Variants in LAMA4 observed in about 807,000 individuals in gnomAD.
The protein encoded by LAMA4 is laminin subunit alpha-4.
In LAMA4, 127 loss-of-function variants were observed where a neutral mutation model predicts 207.1. The observed-to-expected ratio is 0.61, with a 90% CI of 0.53 to 0.71. LAMA4 has a LOEUF of 0.71. LAMA4 is among the 30% of genes least tolerant of loss of function. LAMA4 has a pLI of 0.00. For missense variants in LAMA4, 2,093 were observed against 2,246.5 expected (o/e 0.93, Z 1.38); for synonymous variants, 761 against 816.0 (o/e 0.93, Z 1.15).
chr6:112,124,750 T>A (rs1229125511), intron 31 of LAMA4, among the ~76,000 whole-genome samples: 1 of 148,442 alleles, frequency 6.7e-6, no homozygotes, highest in East Asian at 2.0e-4. Flanking sequence ...TATAAGGATA[T>A]AGGGGTATCT....
chr6:112,196,011 G>A (rs1783398220), intron 5 of LAMA4, among the ~76,000 whole-genome samples: 1 of 151,886 alleles, frequency 6.6e-6, no homozygotes, highest in South Asian at 2.1e-4. Flanking sequence ...AAGCTGGTGA[G>A]TCTTGGGCAA....
intron 5 of LAMA4, among the ~76,000 whole-genome samples, chr6:112,195,938 TACACACACACACACAC>T (rs149514155): frequency 1.4e-5 from 2 of 147,342 alleles, no homozygotes; most frequent in Non-Finnish European, 3.0e-5. Flanking sequence ...ATGAACTAAG[TACACACACACACACAC>T]ACACACACAC....
At position 112,253,944 on chromosome 6, in the gene LAMA4, G is replaced by A; in HGVS notation, c.195+12C>T. 6.2e-7 allele frequency: 1 copy of A among 1,605,058 alleles called. No individual in the cohort carries two copies. The highest frequency in any genetic ancestry group is 8.5e-7 in the Non-Finnish European group (1 of 1,175,330). ...GTGCCCCAGCAGGGTGGCAATGGCA[G>A]GGACACTGTACCTCGGCCGCAGGCG... On this transcript the variant is annotated intron_variant, in intron 2 of 38. Transcript: ENST00000230538.
intron 3 of LAMA4, chr6:112,214,126 A>ATATTT: frequency 1.6e-6 from 1 of 641,598 alleles, no homozygotes; most frequent in Non-Finnish European, 2.9e-6. Context: ...CCAGTGTGAC[A>ATATTT]CCACAGACTT....
chr6:112,129,318 T>C lies in LAMA4; in HGVS notation c.4134-243A>G, dbSNP rs9387059. Among the ~76,000 whole-genome samples, 69,819 of 151,796 alleles carry C rather than the reference T, an allele frequency of 0.46. 16,571 individuals are homozygous for C. The highest frequency in any genetic ancestry group is 0.68 in the South Asian group (3,287 of 4,814). On this transcript the variant is annotated intron_variant, in intron 30 of 38. Coordinates refer to ENST00000230538, the MANE Select transcript of LAMA4 (RefSeq NM_001105206.3). ...ACATATTTATAATAATGAATATCTT[T>C]TCCCTCAACACACTCTGGATGATTG...
intron 5 of LAMA4, among the ~76,000 whole-genome samples, 164 bp downstream of exon 5, chr6:112,201,444 G>T (rs1554352371): frequency 6.6e-6 from 1 of 152,196 alleles, no homozygotes; most frequent in Non-Finnish European, 1.5e-5. Flanking sequence ...TGGGGGATGG[G>T]ATTTAGGAAA....
intron 2 of LAMA4, chr6:112,219,683 T>A (rs1784818563): frequency 6.6e-6 from 1 of 152,210 alleles, no homozygotes; most frequent in South Asian, 2.1e-4. Context: ...CTGCCCCTCA[T>A]AAATAAATAC....
At chr6:112,125,065 A>G (rs926504044) in intron 31 of LAMA4, among the ~76,000 whole-genome samples, 2 of 152,148 alleles carry the variant, frequency 1.3e-5, no homozygotes, top group Admixed American at 6.5e-5. Flanking sequence ...ATCTTAAACA[A>G]TCTAAGATAG....
chr6:112,254,541 GGACTGC>G lies in LAMA4; in HGVS notation c.-230_-225del. 6.0e-6 allele frequency: 2 copies of G among 335,072 alleles called. No individual in the cohort carries two copies. The highest frequency in any genetic ancestry group is 8.0e-5 in the East Asian group (1 of 12,486). 20.8% of individuals were successfully genotyped at this position (335,072 alleles called of 1,614,324 possible). On this transcript the variant is annotated 5_prime_UTR_variant, in exon 1 of 39. Transcript: ENST00000230538. ...CCTCTCCCTGGCCGTTCGGGACTGG[GGACTGC>G]GCTGTCCTGGCTTCCTTCTCACATT...
chr6:112,150,319 A>G lies in LAMA4; in HGVS notation c.2173+192T>C, dbSNP rs1239211232. On this transcript the variant is annotated intron_variant, in intron 17 of 38. Transcript: ENST00000230538. ...AAGGTCACCTCTACGTGGTGTGATT[A>G]CAGCATTTATATTTAGTTTCTTCTT... The G allele has an allele frequency of 1.1e-5, 7 of 633,476 alleles. No homozygotes were observed. In the African/African-American group the frequency reaches 1.3e-4, roughly 12 times the overall value. The allele number at this position is 633,476 out of a possible 1,614,324, so 39.2% of individuals were successfully genotyped here.
intron 2 of LAMA4, 33 bp from the exon 3 acceptor site, chr6:112,216,502 T>C (rs1554358791): frequency 7.1e-7 from 1 of 1,405,834 alleles, no homozygotes; most frequent in East Asian, 2.3e-5. Context: ...TTTTGATTAT[T>C]GAAAAGATTG....
intron 6 of LAMA4, among the ~76,000 whole-genome samples, chr6:112,189,481 T>A (rs1782888071): frequency 6.6e-6 from 1 of 152,188 alleles, no homozygotes; most frequent in Admixed American, 6.5e-5. Flanking sequence ...GATTCTGACA[T>A]GACAGTGCAA....
rs73766936 is a variant in LAMA4, at chr6:112,127,053, A to G, written c.4287+1869T>C. 9.2e-3 allele frequency among the ~76,000 whole-genome samples: 1,396 copies of G among 152,298 alleles called. 22 individuals carry two copies. Among genetic ancestry groups the G allele is most frequent in the African/African-American group, 0.032 (1,335 of 41,564 alleles). On this transcript the variant is annotated intron_variant, in intron 31 of 38. Coordinates refer to ENST00000230538, the MANE Select transcript of LAMA4 (RefSeq NM_001105206.3). Reference sequence around the variant, plus strand: ...GCCTTGTGCTATGCTAAGTGCATATAATTTCATGCATTAACTCATTTAGTT... The same window carrying G: ...GCCTTGTGCTATGCTAAGTGCATATGATTTCATGCATTAACTCATTTAGTT...
In LAMA4 at chr6:112,168,334, C is replaced by T. The variant is rs1197616228; in HGVS notation, c.1552-3058G>A. 2.0e-5 allele frequency among the ~76,000 whole-genome samples: 3 copies of T among 149,082 alleles called. No individual in the cohort carries two copies. The Admixed American group carries it at 2.0e-4, about 10-fold the overall frequency. On this transcript the variant is annotated intron_variant, in intron 12 of 38. Transcript: ENST00000230538. Reference sequence around the variant, plus strand: ...GAGAGGAAGGAAGGACTCCTTCTGGCAGCTAGTGTTCTTTTTTTTTTTTTT... The same window carrying T: ...GAGAGGAAGGAAGGACTCCTTCTGGTAGCTAGTGTTCTTTTTTTTTTTTTT...
intron 6 of LAMA4, among the ~76,000 whole-genome samples, chr6:112,189,719 AAGAC>A (rs1239743893): frequency 1.3e-5 from 2 of 152,224 alleles, no homozygotes; most frequent in Non-Finnish European, 2.9e-5. Context: ...GACCCTTGGC[AAGAC>A]AGACTCCAAA....
intron 35 of LAMA4, among the ~76,000 whole-genome samples, 195 bp from the exon 36 acceptor site, chr6:112,116,188 C>T (rs1052154498): frequency 1.5e-4 from 23 of 152,296 alleles, no homozygotes; most frequent in African/African-American, 5.1e-4. Context: ...ACTAATGCAT[C>T]AATCCTGTTG....
At chr6:112,185,074 T>C (rs1782603050) in intron 9 of LAMA4, among the ~76,000 whole-genome samples, 163 bp downstream of exon 9, 1 of 152,186 alleles carries the variant, frequency 6.6e-6, no homozygotes, top group Non-Finnish European at 1.5e-5. Flanking sequence ...CTGAGTATGT[T>C]AACTTTCTCC....
chr6:112,244,386 A>C (rs1415460884), intron 2 of LAMA4, among the ~76,000 whole-genome samples: 2 of 152,222 alleles, frequency 1.3e-5, no homozygotes, highest in African/African-American at 2.4e-5. Flanking sequence ...CACGGTTCTG[A>C]GACTTCCCCA....
At chr6:112,120,724 A>G (rs1778303939) in intron 32 of LAMA4, among the ~76,000 whole-genome samples, 1 of 152,186 alleles carries the variant, frequency 6.6e-6, no homozygotes, top group Non-Finnish European at 1.5e-5. Context: ...GTTTCAGTTA[A>G]GGATCTTACT....
Sources: gnomAD v4.1 joint callset for allele counts (sites outside exome capture counted in the v4.1 genomes callset) on GRCh38, gnomAD v4.1.1 for gene constraint, MANE v1.5 for transcripts, NCBI Gene and HGNC (gene_info 2026-07-23, HGNC 2026-07-21) for gene names.